Variants in ZNF558 observed in about 807,000 individuals in gnomAD.
ZNF558 encodes zinc finger protein 558.
ZNF558 carries 23 observed loss-of-function variants against 37.6 expected under a neutral mutation model. That is an observed-to-expected ratio of 0.61 (90% CI 0.44 to 0.87). The LOEUF is 0.87. Ranked by LOEUF, ZNF558 falls within the 40% of genes least tolerant of loss-of-function variation. The pLI is 0.00. For missense variants in ZNF558, 429 were observed against 483.7 expected (o/e 0.89, Z 1.06); for synonymous variants, 189 against 174.4 (o/e 1.08, Z -0.66).
intron 7 of ZNF558, 31 bp downstream of exon 7, chr19:8,821,149 T>C: frequency 6.2e-7 from 1 of 1,607,962 alleles, no homozygotes; most frequent in Non-Finnish European, 8.5e-7. Context: ...CTGGAGTCAT[T>C]AAATAAATGC....
intron 2 of ZNF558, among the ~76,000 whole-genome samples, chr19:8,828,789 CTG>C (rs1027635207): frequency 6.6e-6 from 1 of 152,032 alleles, no homozygotes; most frequent in African/African-American, 2.4e-5. Flanking sequence ...TGGTGAAACT[CTG>C]TCTCTACTCA....
At chr19:8,813,085 A>C in intron 8 of ZNF558, 42 bp downstream of exon 8, 71 of 1,485,516 alleles carry the variant, frequency 4.8e-5, no homozygotes, top group Non-Finnish European at 6.1e-5. Flanking sequence ...GTCACTGGCC[A>C]GAGCTATTCC....
Position 8,808,308 on chromosome 19 carries a change from AAAATAAATAAAT to A in ZNF558, c.*2961_*2972del, listed in dbSNP as rs58597827. The A allele has an allele frequency of 4.6e-5, 7 of 151,128 alleles. No individual in the cohort carries two copies. The highest frequency in any genetic ancestry group is 2.1e-4 in the South Asian group (1 of 4,758). The allele number at this position is 151,128 out of a possible 1,614,324, so 9.4% of individuals were successfully genotyped here. On this transcript the variant is annotated 3_prime_UTR_variant, in exon 10 of 10. Coordinates refer to ENST00000601372, the MANE Select transcript of ZNF558 (RefSeq NM_144693.3). ...TGATGACAAGAGTGAAACTCCATCT[AAAATAAATAAAT>A]AAATAAATAAATGTTTGACCATTTA...
rs8113754 is a variant in ZNF558, at chr19:8,821,770, A to C, written c.120+233T>G. 7.6e-3 allele frequency: 10,240 copies of C among 1,354,014 alleles called. 679 individuals carry two copies. In the African/African-American group the frequency reaches 0.13, roughly 18 times the overall value. 83.9% of individuals were successfully genotyped at this position (1,354,014 alleles called of 1,614,324 possible). A position where few individuals can be genotyped will look rare whatever the true frequency, so the allele number is the denominator to read the frequency against. On this transcript the variant is annotated intron_variant, in intron 6 of 9. Coordinates refer to ENST00000601372, the MANE Select transcript of ZNF558 (RefSeq NM_144693.3). Reference sequence around the variant, plus strand: ...CGTCTTTACTTGGCTTTCCCTTAAAACTCTCAGGAGCACATGATGTACTCA... The same window carrying C: ...CGTCTTTACTTGGCTTTCCCTTAAACCTCTCAGGAGCACATGATGTACTCA...
Position 8,813,218 on chromosome 19 carries a change from A to G in ZNF558, c.252T>C (p.Cys84=), listed in dbSNP as rs782588841. The change falls in exon 8 of 10, where the codon TGT becomes TGC. Residue 84 remains cysteine (C), a synonymous_variant. Coordinates refer to ENST00000601372, the MANE Select transcript of ZNF558 (RefSeq NM_144693.3). ...ATATCAGACTGGGTTTATTAACACG[A>G]CACCCTATTTATGGAAACAATACAC... ...ENCRNLASLG[C]RVNKPSLISQ... is the part of the protein sequence containing the mutation. The G allele has an allele frequency of 8.8e-6, 14 of 1,587,538 alleles. No homozygotes were observed. In the East Asian group the frequency reaches 2.9e-4, roughly 33 times the overall value.
At chr19:8,838,023 C>T in the ZNF558 span, among the ~76,000 whole-genome samples, 2 of 151,484 alleles carry the variant, frequency 1.3e-5, no homozygotes, top group Non-Finnish European at 2.9e-5. Context: ...CCGAGGCGGG[C>T]GGATCATGAC....
At chr19:8,812,192 T>C (rs2043811786) in intron 9 of ZNF558, 129 bp from the exon 10 acceptor site, 1 of 890,462 alleles carries the variant, frequency 1.1e-6, no homozygotes, top group Non-Finnish European at 1.6e-6. Context: ...CTTTCAGTGG[T>C]TGTATGTGAT....
At position 8,822,071 on chromosome 19, in the gene ZNF558, C is replaced by T. The variant is rs2044107045; in HGVS notation, c.52G>A (p.Ala18Thr). ...STAAPSSLFP[A>T]SQQKGHTQGG... ...TGTGTGTGTCCTTTTTGCTGAGAGG[C>T]TGGGAACAGGGAAGACGGAGCTGGA... Residue 18 changes from alanine to threonine, a missense_variant, in exon 6 of 10, where the codon GCC (alanine) becomes ACC (threonine). Physicochemically the swap from Ala to Thr is moderately conservative, Grantham distance 58 (BLOSUM62 0). Transcript: ENST00000601372. This position sits in a 1 kb window ranked among gnomAD's most constrained non-coding sequence, Gnocchi z 4.4. The T allele has an allele frequency of 6.2e-7, 1 of 1,613,948 alleles. No individual in the cohort carries two copies. Among genetic ancestry groups the T allele is most frequent in the Admixed American group, 1.7e-5 (1 of 59,988 alleles).
Position 8,812,646 on chromosome 19 carries a change from G to A in ZNF558, c.344-3C>T. 6.4e-7 allele frequency: 1 copy of A among 1,574,288 alleles called. No individual in the cohort carries two copies. ...GGCTTTAAGTAGAGTCTCCAAATCT[G>A]AAACAAATTGAAAAGAAATTTAGGT... On this transcript the variant is annotated splice_polypyrimidine_tract_variant and splice_region_variant and intron_variant, in intron 8 of 9. Coordinates refer to ENST00000601372, the MANE Select transcript of ZNF558 (RefSeq NM_144693.3).
upstream of ZNF558, among the ~76,000 whole-genome samples, chr19:8,834,395 G>T (rs990858531): frequency 4.0e-5 from 6 of 151,550 alleles, no homozygotes; most frequent in Admixed American, 3.3e-4. Flanking sequence ...AGATCACGAG[G>T]TCAAGATATC....
intron 2 of ZNF558, among the ~76,000 whole-genome samples, chr19:8,826,247 G>A (rs1443491591): frequency 2.0e-5 from 3 of 152,032 alleles, no homozygotes; most frequent in Admixed American, 6.6e-5. Flanking sequence ...AGCACGGGGC[G>A]GCAGTGGGGC....
chr19:8,815,726 C>T (rs545290202), intron 7 of ZNF558, among the ~76,000 whole-genome samples: 1 of 152,012 alleles, frequency 6.6e-6, no homozygotes, highest in South Asian at 2.1e-4. Flanking sequence ...GTCAAGGCTG[C>T]AGTAAGCCAC....
chr19:8,825,367 T>C (rs900116590), intron 2 of ZNF558, among the ~76,000 whole-genome samples: 1 of 152,052 alleles, frequency 6.6e-6, no homozygotes, highest in Non-Finnish European at 1.5e-5. Flanking sequence ...TTACTTTCGA[T>C]GGCAAAACCT....
chr19:8,826,111 G>C (rs1568475046), intron 2 of ZNF558, among the ~76,000 whole-genome samples: 2 of 152,106 alleles, frequency 1.3e-5, no homozygotes, highest in African/African-American at 2.4e-5. Context: ...CACAGTCAGG[G>C]AAGGCTGGTG....
At chr19:8,816,127 T>G (rs1018078101) in intron 7 of ZNF558, among the ~76,000 whole-genome samples, 1 of 152,136 alleles carries the variant, frequency 6.6e-6, no homozygotes, top group Admixed American at 6.6e-5. Flanking sequence ...AGTGCAGTGG[T>G]GTGATCATGG....
intron 8 of ZNF558, 34 bp downstream of exon 8, chr19:8,813,093 T>C: frequency 1.3e-6 from 2 of 1,525,578 alleles, no homozygotes; most frequent in Non-Finnish European, 1.8e-6. Flanking sequence ...CCAGAGCTAT[T>C]CCTCACAAGG....
At chr19:8,834,446 A>G (rs551025533), upstream of ZNF558, among the ~76,000 whole-genome samples, 52 of 152,232 alleles carry the variant, frequency 3.4e-4, no homozygotes, top group African/African-American at 1.2e-3. Flanking sequence ...CGTCTCTACT[A>G]AAAATACCAA....
In ZNF558 at chr19:8,822,683, G is replaced by A; in HGVS notation, c.-24C>T. The A allele has an allele frequency of 6.2e-7, 1 of 1,614,066 alleles. No individual in the cohort carries two copies. Among genetic ancestry groups the A allele is most frequent in the Non-Finnish European group, 8.5e-7 (1 of 1,180,006 alleles). ...ATCCTGTGACTCCGACAGCAACAGGGCAGCCGGGAAGCAGGACGCTCCTCC... is the reference window on the plus strand; with the variant it reads ...ATCCTGTGACTCCGACAGCAACAGGACAGCCGGGAAGCAGGACGCTCCTCC... On this transcript the variant is annotated 5_prime_UTR_variant, in exon 5 of 10. Transcript: ENST00000601372. This position sits in a 1 kb window ranked among gnomAD's most constrained non-coding sequence, Gnocchi z 4.4.
Position 8,822,001 on chromosome 19 carries a change from AC to A in ZNF558, c.120+1del. 1 of 1,613,748 alleles carries A rather than the reference AC, an allele frequency of 6.2e-7. No homozygotes were observed. Among genetic ancestry groups the A allele is most frequent in the Non-Finnish European group, 8.5e-7 (1 of 1,179,822 alleles). On this transcript the variant is annotated splice_donor_variant, in intron 6 of 9. Coordinates refer to ENST00000601372, the MANE Select transcript of ZNF558 (RefSeq NM_144693.3). LOFTEE classifies it high-confidence loss of function. This position sits in a 1 kb window ranked among gnomAD's most constrained non-coding sequence, Gnocchi z 4.4. Reference sequence around the variant, plus strand: ...ATTTGGGAAAAGGAACATCTGACTCACCCGTAGCCAGCTTGTCAGGAGCTCA... The same window carrying A: ...ATTTGGGAAAAGGAACATCTGACTCACCGTAGCCAGCTTGTCAGGAGCTCA...
Sources: gnomAD v4.1 joint callset for allele counts (sites outside exome capture counted in the v4.1 genomes callset) on GRCh38, gnomAD v4.1.1 for gene constraint, Gnocchi (gnomAD v3.1) non-coding constraint, MANE v1.5 for transcripts, NCBI Gene and HGNC (gene_info 2026-07-23, HGNC 2026-07-21) for gene names.